The following RUNX1 variants were observed in gnomAD, a reference collection of about 807,000 sequenced individuals.
The protein encoded by RUNX1 is RUNX family transcription factor 1, also known as runt-related transcription factor 1.
In RUNX1, 19 loss-of-function variants were observed where a neutral mutation model predicts 42.8. That is an observed-to-expected ratio of 0.44 (90% CI 0.31 to 0.65). RUNX1 has a LOEUF of 0.65. Ranked by LOEUF, RUNX1 falls within the 30% of genes least tolerant of loss-of-function variation. RUNX1 has a pLI of 0.07. For synonymous variants in RUNX1, 271 were observed against 289.4 expected (o/e 0.94, Z 0.64); for missense variants, 528 against 672.0 (o/e 0.79, Z 2.37).
intron 6 of RUNX1, among the ~76,000 whole-genome samples, chr21:34,857,331 G>A (rs995923951): frequency 3.9e-5 from 6 of 152,134 alleles, no homozygotes; most frequent in Non-Finnish European, 7.4e-5. Context: ...CAGCCAGACC[G>A]TTACAATCGC....
intron 5 of RUNX1, among the ~76,000 whole-genome samples, chr21:34,879,375 G>T (rs1363328369): frequency 6.6e-6 from 1 of 152,004 alleles, no homozygotes; most frequent in African/African-American, 2.4e-5. Context: ...CTCCAGCTAT[G>T]ATTCTATTAT....
chr21:34,926,820 C>G (rs2058398999), intron 2 of RUNX1, among the ~76,000 whole-genome samples: 1 of 149,070 alleles, frequency 6.7e-6, no homozygotes, highest in Non-Finnish European at 1.5e-5. Flanking sequence ...ATTGGCCAGA[C>G]AGATAAAACA....
Position 34,901,644 on chromosome 21 carries a change from T to A in RUNX1, c.59-8681A>T, listed in dbSNP as rs2058178632. Among the ~76,000 whole-genome samples, 1 of 152,176 alleles carries A rather than the reference T, an allele frequency of 6.6e-6. No individual in the cohort carries two copies. The highest frequency in any genetic ancestry group is 1.9e-4 in the East Asian group (1 of 5,196). ...GAGCCCTTCTCCACATTCTCTTTGG[T>A]GTGGGCCCTTCTCCACATGCTCTTT... On this transcript the variant is annotated intron_variant, in intron 2 of 8. Transcript: ENST00000675419. The surrounding 1 kb of genome is among the most constrained non-coding windows in gnomAD (Gnocchi z 4.3).
intron 2 of RUNX1, among the ~76,000 whole-genome samples, chr21:34,953,874 T>C (rs2058626415): frequency 6.6e-6 from 1 of 152,174 alleles, no homozygotes; most frequent in Non-Finnish European, 1.5e-5. Flanking sequence ...GAAAAGCTTG[T>C]TGTACCTTGG....
At chr21:34,978,034 C>T (rs771388163) in intron 2 of RUNX1, among the ~76,000 whole-genome samples, 32 of 152,000 alleles carry the variant, frequency 2.1e-4, no homozygotes, top group Non-Finnish European at 4.1e-4. Flanking sequence ...CATTCTCCTG[C>T]TTCAGCCATT....
At chr21:34,881,145 C>T (rs1187360017) in intron 4 of RUNX1, among the ~76,000 whole-genome samples, 1 of 152,218 alleles carries the variant, frequency 6.6e-6, no homozygotes, top group Non-Finnish European at 1.5e-5. Flanking sequence ...ACAAGCATCT[C>T]TTCTTAATTT....
At chr21:34,834,322 T>C in intron 7 of RUNX1, 88 bp downstream of exon 7, 2 of 1,338,488 alleles carry the variant, frequency 1.5e-6, no homozygotes, top group Non-Finnish European at 2.2e-6. Flanking sequence ...CCCCAGTTGG[T>C]CTGGGAAGGT....
chr21:34,993,225 T>C (rs962588014), intron 2 of RUNX1, among the ~76,000 whole-genome samples: 10 of 152,184 alleles, frequency 6.6e-5, no homozygotes, highest in South Asian at 2.1e-4. Context: ...CTAATCTATA[T>C]GCCTTAGCGA....
chr21:34,881,578 C>T (rs1029933244), intron 4 of RUNX1, among the ~76,000 whole-genome samples: 7 of 152,148 alleles, frequency 4.6e-5, no homozygotes, highest in East Asian at 3.8e-4. Context: ...TGAGTCTCAG[C>T]GTGTGTAAAC....
intron 7 of RUNX1, among the ~76,000 whole-genome samples, chr21:34,815,819 T>G (rs2056817612): frequency 6.6e-6 from 1 of 151,984 alleles, no homozygotes; most frequent in South Asian, 2.1e-4. Flanking sequence ...GGCTGAGCAG[T>G]CTTTAGAGGA....
At chr21:34,796,773 C>A (rs1021113484) in intron 8 of RUNX1, among the ~76,000 whole-genome samples, 1 of 152,022 alleles carries the variant, frequency 6.6e-6, no homozygotes, top group African/African-American at 2.4e-5. Flanking sequence ...GTCTGTCGCC[C>A]AGGTTGGCAG....
intron 7 of RUNX1, among the ~76,000 whole-genome samples, chr21:34,822,394 A>G (rs1374393665): frequency 6.6e-6 from 1 of 152,250 alleles, no homozygotes; most frequent in African/African-American, 2.4e-5. Context: ...TTCAGTAAAC[A>G]TGTGAACCAG....
At position 34,957,091 on chromosome 21, in the gene RUNX1, C is replaced by T. The variant is rs572739452; in HGVS notation, c.59-64128G>A. ...CACAAGAAAGAAGCTGGCCACGAAG[C>T]CTCTGAGCTTTGTGACCTGATGCTC... On this transcript the variant is annotated intron_variant, in intron 2 of 8. Coordinates refer to ENST00000675419, the MANE Select transcript of RUNX1 (RefSeq NM_001754.5). Among the ~76,000 whole-genome samples, 4 of 152,284 alleles carry T rather than the reference C, an allele frequency of 2.6e-5. No homozygotes were observed. The East Asian group carries it at 5.8e-4, about 22-fold the overall frequency.
chr21:34,808,325 G>A (rs2056710434), intron 7 of RUNX1, among the ~76,000 whole-genome samples: 1 of 152,184 alleles, frequency 6.6e-6, no homozygotes, highest in Non-Finnish European at 1.5e-5. Flanking sequence ...GGTTTTGAGG[G>A]ATCCCATCCT....
intron 2 of RUNX1, among the ~76,000 whole-genome samples, chr21:35,046,163 T>C (rs1208351182): frequency 6.6e-6 from 1 of 152,208 alleles, no homozygotes; most frequent in Non-Finnish European, 1.5e-5. Flanking sequence ...TCTTCCTTCC[T>C]AAGCAAATTC....
At chr21:34,892,445 A>C (rs775500622) in intron 3 of RUNX1, among the ~76,000 whole-genome samples, 2 of 152,182 alleles carry the variant, frequency 1.3e-5, no homozygotes, top group Non-Finnish European at 2.9e-5. Context: ...GCTATGGTTA[A>C]TGTGTGATGA....
intron 2 of RUNX1, among the ~76,000 whole-genome samples, chr21:34,959,048 T>G: frequency 1.4e-5 from 2 of 145,548 alleles, no homozygotes; most frequent in African/African-American, 2.6e-5. Flanking sequence ...TGGGGACTGT[T>G]GTGGGGTGGG....
chr21:34,908,815 T>C (rs1253804946), intron 2 of RUNX1, among the ~76,000 whole-genome samples: 1 of 152,200 alleles, frequency 6.6e-6, no homozygotes, highest in East Asian at 1.9e-4. Flanking sequence ...TGAACTTCTT[T>C]TGCATATACA....
intron 5 of RUNX1, among the ~76,000 whole-genome samples, chr21:34,866,534 G>T (rs2057665079): frequency 6.6e-6 from 1 of 152,148 alleles, no homozygotes; most frequent in Admixed American, 6.5e-5. Flanking sequence ...TTTTTATGAA[G>T]TATTTTTAAT....
Sources: gnomAD v4.1 joint callset for allele counts (sites outside exome capture counted in the v4.1 genomes callset) on GRCh38, gnomAD v4.1.1 for gene constraint, Gnocchi (gnomAD v3.1) non-coding constraint, MANE v1.5 for transcripts, NCBI Gene and HGNC (gene_info 2026-07-23, HGNC 2026-07-21) for gene names.